Variants in SKI observed in about 807,000 individuals in gnomAD.
The protein encoded by SKI is ski oncogene.
A neutral mutation model predicts 59.3 loss-of-function variants in SKI; 23 were observed. The ratio of observed to expected loss-of-function variants is 0.39; its 90% CI spans 0.28 to 0.55. The LOEUF (loss-of-function observed/expected upper bound fraction) is 0.55, where lower values mean the gene tolerates loss of function less well. SKI is among the 20% of genes least tolerant of loss of function. The pLI is 0.67. For missense variants in SKI, 1,017 were observed against 1,038.9 expected (o/e 0.98, Z 0.29); for synonymous variants, 673 against 488.6 (o/e 1.38, Z -4.98).
chr1:2,284,133 C>T (rs1406595218), intron 1 of SKI, among the ~76,000 whole-genome samples: 1 of 152,204 alleles, frequency 6.6e-6, no homozygotes, highest in African/African-American at 2.4e-5. Flanking sequence ...CATGGACCTC[C>T]CCTCTTGGGT....
At chr1:2,239,761 C>G (rs1638826369) in intron 1 of SKI, among the ~76,000 whole-genome samples, 1 of 152,246 alleles carries the variant, frequency 6.6e-6, no homozygotes, top group Non-Finnish European at 1.5e-5. Flanking sequence ...CTCAGAGCAG[C>G]TTTCACGGCT....
chr1:2,279,842 G>C lies in SKI; in HGVS notation c.970-23136G>C, dbSNP rs1157262890. Among the ~76,000 whole-genome samples, 9 of 152,234 alleles carry C rather than the reference G, an allele frequency of 5.9e-5. No individual in the cohort carries two copies. The South Asian group carries it at 6.2e-4, about 10-fold the overall frequency. On this transcript the variant is annotated intron_variant, in intron 1 of 6. Transcript: ENST00000378536. The stretch of plus-strand genomic sequence containing the variant: ...GCACTGGGATTACAGCAGTGAGCCA[G>C]TGTGCCCAGCCTCTTCCTAAGTTTA...
At chr1:2,261,569 A>G (rs1446197254) in intron 1 of SKI, among the ~76,000 whole-genome samples, 1 of 152,244 alleles carries the variant, frequency 6.6e-6, no homozygotes, top group African/African-American at 2.4e-5. Context: ...AACGGCCACT[A>G]CAGTTCTTAT....
intron 1 of SKI, among the ~76,000 whole-genome samples, chr1:2,262,241 C>T (rs1395063191): frequency 2.7e-5 from 4 of 147,682 alleles, no homozygotes; most frequent in South Asian, 2.2e-4. Context: ...TGGGAGTGGA[C>T]GCCCTCGCTC....
intron 1 of SKI, among the ~76,000 whole-genome samples, chr1:2,296,999 G>T (rs1640303077): frequency 6.6e-6 from 1 of 151,998 alleles, no homozygotes; most frequent in Admixed American, 6.5e-5. Context: ...GTGAGAATTG[G>T]TGGCCTCCCT....
intron 1 of SKI, among the ~76,000 whole-genome samples, chr1:2,296,644 G>C (rs1640291728): frequency 6.6e-6 from 1 of 151,596 alleles, no homozygotes; most frequent in African/African-American, 2.4e-5. Context: ...CCAGCTACCG[G>C]GTTTGCACGT....
intron 1 of SKI, among the ~76,000 whole-genome samples, chr1:2,237,455 G>C (rs543516396): frequency 6.6e-6 from 1 of 152,326 alleles, no homozygotes; most frequent in South Asian, 2.1e-4. Flanking sequence ...CGCTAATTAC[G>C]TTGTGTTGTT....
chr1:2,305,455 G>A (rs1013551747), intron 5 of SKI, among the ~76,000 whole-genome samples: 3 of 152,206 alleles, frequency 2.0e-5, no homozygotes, highest in Admixed American at 6.5e-5. Flanking sequence ...CCAGTCCCTC[G>A]CCCCAGCACG....
chr1:2,266,852 A>T (rs899307828), intron 1 of SKI, among the ~76,000 whole-genome samples: 3 of 152,160 alleles, frequency 2.0e-5, no homozygotes, highest in African/African-American at 7.2e-5. Flanking sequence ...TGTGGGAGAA[A>T]GTTGCTCAGG....
chr1:2,267,339 T>G lies in SKI; in HGVS notation c.970-35639T>G, dbSNP rs577339622. On this transcript the variant is annotated intron_variant, in intron 1 of 6. Transcript: ENST00000378536. This position sits in a 1 kb window ranked among gnomAD's most constrained non-coding sequence, Gnocchi z 4.1. ...CGGGCTGCGGTGGAGTTCTGGGGTT[T>G]GTTTGTGGGCATTTCCAGGTAGTCT... 7.9e-5 allele frequency among the ~76,000 whole-genome samples: 12 copies of G among 152,258 alleles called. No homozygotes were observed. Among genetic ancestry groups the G allele is most frequent in the African/African-American group, 2.4e-4 (10 of 41,538 alleles).
intron 1 of SKI, among the ~76,000 whole-genome samples, chr1:2,235,390 T>G (rs1208075833): frequency 6.6e-6 from 1 of 152,162 alleles, no homozygotes; most frequent in East Asian, 1.9e-4. Context: ...GTCTGCGGGC[T>G]GGAGGGGTCG....
intron 1 of SKI, among the ~76,000 whole-genome samples, chr1:2,273,629 G>T (rs1639676522): frequency 6.6e-6 from 1 of 152,146 alleles, no homozygotes; most frequent in African/African-American, 2.4e-5. Flanking sequence ...CCTGGTGGGG[G>T]GTAAGAACAT....
chr1:2,292,428 G>A (rs1218622640), intron 1 of SKI, among the ~76,000 whole-genome samples: 3 of 152,186 alleles, frequency 2.0e-5, no homozygotes, highest in South Asian at 4.1e-4. Flanking sequence ...TCTAGCAGAC[G>A]TTCATCAGGG....
At chr1:2,294,581 G>A (rs532695944) in intron 1 of SKI, among the ~76,000 whole-genome samples, 22 of 152,352 alleles carry the variant, frequency 1.4e-4, no homozygotes, top group Admixed American at 5.9e-4. Context: ...ACCTTGTCAC[G>A]TCCTCCACTG....
chr1:2,254,185 C>G (rs1331897475), intron 1 of SKI, among the ~76,000 whole-genome samples: 1 of 152,202 alleles, frequency 6.6e-6, no homozygotes, highest in East Asian at 1.9e-4. Context: ...TGCTTGTTCC[C>G]CTCCAGACAC....
At chr1:2,302,651 A>G (rs1342702746) in intron 1 of SKI, among the ~76,000 whole-genome samples, 2 of 152,104 alleles carry the variant, frequency 1.3e-5, no homozygotes, top group East Asian at 3.9e-4. Context: ...GTGGAAGGGG[A>G]GAGTGGGTCT....
At chr1:2,249,752 C>T (rs1308376562) in intron 1 of SKI, among the ~76,000 whole-genome samples, 1 of 152,230 alleles carries the variant, frequency 6.6e-6, no homozygotes, top group Non-Finnish European at 1.5e-5. Flanking sequence ...GCCTCCTGCT[C>T]AACAGGCCAC....
rs139901487 is a variant in SKI, at chr1:2,254,733, CGTGTGT to C, written c.969+25010_969+25015del. ...TTGGCCAGACTGTGGTCACTGCGTGCGTGTGTGTGTGTGTGTGATGCGCAGGGCATT... is the reference window on the plus strand; with the variant it reads ...TTGGCCAGACTGTGGTCACTGCGTGCGTGTGTGTGTGATGCGCAGGGCATT... On this transcript the variant is annotated intron_variant, in intron 1 of 6. Coordinates refer to ENST00000378536, the MANE Select transcript of SKI (RefSeq NM_003036.4). 1.5e-4 allele frequency among the ~76,000 whole-genome samples: 23 copies of C among 150,854 alleles called. No individual in the cohort carries two copies. In the South Asian group the frequency reaches 3.8e-3, roughly 25 times the overall value.
intron 1 of SKI, among the ~76,000 whole-genome samples, chr1:2,282,834 G>A (rs570148037): frequency 4.6e-5 from 7 of 152,326 alleles, no homozygotes; most frequent in African/African-American, 1.4e-4. Context: ...CATTCGCAAG[G>A]GTGGGTCTGG....
Sources: allele counts gnomAD v4.1 joint callset (sites outside exome capture counted in the v4.1 genomes callset), GRCh38; gene constraint gnomAD v4.1.1; non-coding constraint Gnocchi (gnomAD v3.1); transcripts MANE v1.5; gene names NCBI Gene and HGNC (gene_info 2026-07-23, HGNC 2026-07-21).